The following CWF19L2 variants were observed in gnomAD, a reference collection of about 807,000 sequenced individuals.
The protein encoded by CWF19L2 is CWF19 like cell cycle control factor 2, also known as CWF19-like protein 2.
In CWF19L2, 98 loss-of-function variants were observed where a neutral mutation model predicts 111.7. That is an observed-to-expected ratio of 0.88 (90% CI 0.75 to 1.04). The LOEUF is 1.04. Ranked by LOEUF, CWF19L2 falls within the 50% of genes least tolerant of loss-of-function variation. The pLI is 0.00. For synonymous variants in CWF19L2, 351 were observed against 342.9 expected, an observed-to-expected ratio of 1.02 and a Z score of -0.26; for missense variants, 1,101 against 1,051.4, an observed-to-expected ratio of 1.05 and a Z score of -0.65.
intron 10 of CWF19L2, among the ~76,000 whole-genome samples, chr11:107,400,522 T>C (rs11500987): frequency 0.017 from 2,516 of 152,084 alleles, 72 homozygotes; most frequent in African/African-American, 0.057. Context: ...CAGGAAGAAT[T>C]AGACACCCTG....
intron 10 of CWF19L2, among the ~76,000 whole-genome samples, chr11:107,407,944 C>T (rs1276668231): frequency 6.6e-6 from 1 of 151,950 alleles, no homozygotes; most frequent in Non-Finnish European, 1.5e-5. Flanking sequence ...TACAGGTCAA[C>T]ACTCCCAGCT....
Position 107,353,756 on chromosome 11 carries a change from G to A in CWF19L2, c.1873-20C>T. ...CATAAACTGAAAAACCAAAATAACAGTAATAGAGAGTAGAAGGTAGTGATT... is the reference window on the plus strand; with the variant it reads ...CATAAACTGAAAAACCAAAATAACAATAATAGAGAGTAGAAGGTAGTGATT... On this transcript the variant is annotated intron_variant, in intron 12 of 17. Transcript: ENST00000282251. 1 of 1,586,488 alleles carries A rather than the reference G, an allele frequency of 6.3e-7. No homozygotes were observed.
chr11:107,411,397 G>A (rs1861155719), intron 10 of CWF19L2, among the ~76,000 whole-genome samples: 1 of 151,974 alleles, frequency 6.6e-6, no homozygotes, highest in Non-Finnish European at 1.5e-5. Context: ...TTTAACACAG[G>A]AAACACATTT....
At chr11:107,357,861 T>C (rs1208883163) in intron 12 of CWF19L2, among the ~76,000 whole-genome samples, 1 of 152,154 alleles carries the variant, frequency 6.6e-6, no homozygotes, top group Non-Finnish European at 1.5e-5. Flanking sequence ...TAAAAGATAG[T>C]GGAGAATGTA....
At chr11:107,406,297 G>A (rs565835026) in intron 10 of CWF19L2, among the ~76,000 whole-genome samples, 4 of 152,306 alleles carry the variant, frequency 2.6e-5, no homozygotes, top group Admixed American at 2.0e-4. Flanking sequence ...TGTTATCACT[G>A]AATGCCATAA....
At chr11:107,369,156 G>GT (rs1208757767) in intron 12 of CWF19L2, among the ~76,000 whole-genome samples, 1 of 137,474 alleles carries the variant, frequency 7.3e-6, no homozygotes, top group African/African-American at 2.9e-5. Flanking sequence ...GAGTTACACG[G>GT]TTTTTTAGTT....
intron 10 of CWF19L2, among the ~76,000 whole-genome samples, chr11:107,400,301 A>G (rs1860982210): frequency 6.6e-6 from 1 of 152,114 alleles, no homozygotes; most frequent in East Asian, 1.9e-4. Flanking sequence ...CAAAAAGATA[A>G]ATAAAATTGA....
At chr11:107,406,465 C>T (rs536721079) in intron 10 of CWF19L2, among the ~76,000 whole-genome samples, 2 of 152,328 alleles carry the variant, frequency 1.3e-5, no homozygotes, top group Non-Finnish European at 2.9e-5. Flanking sequence ...GTGGACTGAA[C>T]ACCAAGCTAC....
intron 3 of CWF19L2, among the ~76,000 whole-genome samples, chr11:107,449,113 A>G: frequency 6.6e-6 from 1 of 150,754 alleles, no homozygotes. Context: ...AAACCAGAAG[A>G]CAATGGGATG....
chr11:107,441,404 T>C, intron 5 of CWF19L2, 99 bp downstream of exon 5: 1 of 1,026,100 alleles, frequency 9.7e-7, no homozygotes, highest in South Asian at 2.4e-5. Flanking sequence ...CTATAAAAAA[T>C]AAAATGGTAT....
chr11:107,386,664 A>G (rs1278260468), intron 12 of CWF19L2, among the ~76,000 whole-genome samples: 1 of 152,226 alleles, frequency 6.6e-6, no homozygotes, highest in Middle Eastern at 3.4e-3. Flanking sequence ...TGCACTTCTT[A>G]GTTTTATTTG....
intron 10 of CWF19L2, among the ~76,000 whole-genome samples, chr11:107,399,848 T>C (rs1591183638): frequency 6.6e-6 from 1 of 151,878 alleles, no homozygotes; most frequent in African/African-American, 2.4e-5. Context: ...TTTAAGAAAA[T>C]TGAAACTATA....
At chr11:107,329,594 A>G (rs1369332405) in intron 17 of CWF19L2, among the ~76,000 whole-genome samples, 1 of 152,184 alleles carries the variant, frequency 6.6e-6, no homozygotes, top group Non-Finnish European at 1.5e-5. Flanking sequence ...TGCTTAGAAC[A>G]GTAGCTGGCA....
intron 3 of CWF19L2, among the ~76,000 whole-genome samples, chr11:107,450,002 T>C (rs1364959419): frequency 6.6e-6 from 1 of 151,362 alleles, no homozygotes; most frequent in Non-Finnish European, 1.5e-5. Context: ...GCTAACAGAT[T>C]AGAGAGCACA....
intron 10 of CWF19L2, chr11:107,403,988 AC>A: frequency 1.2e-6 from 1 of 834,344 alleles, no homozygotes. Flanking sequence ...AACGTCTGGC[AC>A]CACACTCTCA....
At chr11:107,352,133 T>A (rs1860164189) in intron 13 of CWF19L2, among the ~76,000 whole-genome samples, 1 of 152,178 alleles carries the variant, frequency 6.6e-6, no homozygotes. Flanking sequence ...GTTGTAAACC[T>A]CAGTGTCTTT....
At chr11:107,404,667 T>C in intron 10 of CWF19L2, 1 of 436,310 alleles carries the variant, frequency 2.3e-6, no homozygotes, top group Non-Finnish European at 4.3e-6. Context: ...AACTTAACTG[T>C]CTTCCCCACC....
At chr11:107,331,529 T>C (rs902910805) in intron 16 of CWF19L2, among the ~76,000 whole-genome samples, 3 of 152,194 alleles carry the variant, frequency 2.0e-5, no homozygotes, top group Non-Finnish European at 2.9e-5. Context: ...TGAATGCAGG[T>C]GGCTTCTAAC....
intron 12 of CWF19L2, among the ~76,000 whole-genome samples, chr11:107,379,830 C>G (rs567172705): frequency 6.6e-6 from 1 of 152,028 alleles, no homozygotes; most frequent in South Asian, 2.1e-4. Context: ...GAGGCCGAGG[C>G]AGGTGGATCA....
Sources: gnomAD v4.1 joint callset for allele counts (sites outside exome capture counted in the v4.1 genomes callset) on GRCh38, gnomAD v4.1.1 for gene constraint, MANE v1.5 for transcripts, NCBI Gene and HGNC (gene_info 2026-07-23, HGNC 2026-07-21) for gene names.